Variants in MAF observed in about 807,000 individuals in gnomAD.
The protein encoded by MAF is MAF bZIP transcription factor.
A neutral mutation model predicts 22.0 loss-of-function variants in MAF; 10 were observed. The observed-to-expected ratio is 0.45, with a 90% CI of 0.28 to 0.77. MAF has a LOEUF of 0.77. MAF is among the 30% of genes least tolerant of loss of function. The probability of loss-of-function intolerance (pLI) is 0.12; values close to 1 mark genes in which losing one functional copy is unlikely to be tolerated. For synonymous variants in MAF, 337 were observed against 255.8 expected, an observed-to-expected ratio of 1.32 and a Z score of -3.03; for missense variants, 544 against 548.4, an observed-to-expected ratio of 0.99 and a Z score of 0.08.
At chr16:79,449,414 G>T in the MAF span, among the ~76,000 whole-genome samples, 1 of 152,176 alleles carries the variant, frequency 6.6e-6, no homozygotes, top group Non-Finnish European at 1.5e-5. Context: ...TTGCTTTATT[G>T]TGGTGGTCTG....
intron 1 of MAF, chr16:79,596,560 G>C (rs1913538396): frequency 9.5e-7 from 1 of 1,048,860 alleles, no homozygotes; most frequent in Admixed American, 5.5e-5. Flanking sequence ...AAGCACATAG[G>C]AACAACACGC....
chr16:79,448,364 G>C, the MAF span, among the ~76,000 whole-genome samples: 3 of 147,504 alleles, frequency 2.0e-5, no homozygotes, highest in East Asian at 6.0e-4. Flanking sequence ...TGAAGGCTCA[G>C]ATGAATGCTA....
chr16:79,395,724 T>G, the MAF span, among the ~76,000 whole-genome samples: 1 of 152,160 alleles, frequency 6.6e-6, no homozygotes, highest in Non-Finnish European at 1.5e-5. Flanking sequence ...CAACTTGATT[T>G]TGGACTTCTG....
At chr16:79,361,563 A>G in the MAF span, among the ~76,000 whole-genome samples, 2 of 152,178 alleles carry the variant, frequency 1.3e-5, no homozygotes, top group Non-Finnish European at 2.9e-5. Context: ...GCCTGGGAAC[A>G]TTACACCTCT....
At chr16:79,464,756 T>C in the MAF span, among the ~76,000 whole-genome samples, 1 of 152,164 alleles carries the variant, frequency 6.6e-6, no homozygotes, top group Non-Finnish European at 1.5e-5. Context: ...TCAAGGTCGA[T>C]TCCCAAAATT....
chr16:79,565,805 G>C, the MAF span, among the ~76,000 whole-genome samples: 8 of 152,182 alleles, frequency 5.3e-5, no homozygotes, highest in South Asian at 4.1e-4. Context: ...AGCAGGCTCA[G>C]GGATGTTGAA....
the MAF span, among the ~76,000 whole-genome samples, chr16:79,263,609 A>G: frequency 2.1e-4 from 32 of 152,288 alleles, no homozygotes; most frequent in African/African-American, 7.7e-4. Context: ...CCTCATGCCA[A>G]TCTTAGTCAA....
the MAF span, among the ~76,000 whole-genome samples, chr16:79,373,672 C>G: frequency 1.3e-5 from 2 of 152,004 alleles, no homozygotes; most frequent in South Asian, 4.2e-4. Context: ...GCCACCGCAT[C>G]CAGCCTGGTA....
At chr16:79,384,976 G>C in the MAF span, among the ~76,000 whole-genome samples, 1 of 152,170 alleles carries the variant, frequency 6.6e-6, no homozygotes, top group Non-Finnish European at 1.5e-5. Flanking sequence ...GAACAATGTG[G>C]TCTGGCTGTG....
chr16:79,459,784 G>C, the MAF span, among the ~76,000 whole-genome samples: 2 of 152,068 alleles, frequency 1.3e-5, no homozygotes, highest in African/African-American at 2.4e-5. Flanking sequence ...GGTTGGTCTT[G>C]ATCTCCTGGA....
chr16:79,524,146 T>C, the MAF span, among the ~76,000 whole-genome samples: 7 of 152,140 alleles, frequency 4.6e-5, no homozygotes, highest in Admixed American at 1.3e-4. Context: ...CCTGGTTGCT[T>C]TTCCTCTTTG....
At chr16:79,211,056 T>TGTGTGTGC in the MAF span, among the ~76,000 whole-genome samples, 1 of 150,314 alleles carries the variant, frequency 6.7e-6, no homozygotes, top group Non-Finnish European at 1.5e-5. Flanking sequence ...TGTGTGTGTG[T>TGTGTGTGC]GCATTAAATG....
the MAF span, among the ~76,000 whole-genome samples, chr16:79,573,258 A>G: frequency 2.0e-5 from 3 of 152,082 alleles, no homozygotes; most frequent in African/African-American, 4.8e-5. Context: ...TTTGCTCTGC[A>G]TAAGTTTTAA....
At chr16:79,526,139 C>T in the MAF span, among the ~76,000 whole-genome samples, 7 of 152,180 alleles carry the variant, frequency 4.6e-5, no homozygotes, top group Non-Finnish European at 7.3e-5. Context: ...CACCAACTGT[C>T]GGTTCTGAGA....
At chr16:79,479,043 C>T in the MAF span, among the ~76,000 whole-genome samples, 2 of 149,748 alleles carry the variant, frequency 1.3e-5, no homozygotes, top group Non-Finnish European at 3.0e-5. Flanking sequence ...TTATAGTATC[C>T]TAGTGTGCCT....
chr16:79,319,695 A>T, the MAF span, among the ~76,000 whole-genome samples: 5 of 146,334 alleles, frequency 3.4e-5, no homozygotes, highest in Non-Finnish European at 7.4e-5. Context: ...TTTCTCCTAT[A>T]AACATTTATT....
the MAF span, among the ~76,000 whole-genome samples, chr16:79,553,076 G>C: frequency 0.2 from 30,902 of 152,240 alleles, 3,521 homozygotes; most frequent in Non-Finnish European, 0.26. Flanking sequence ...CCTGCAAAAT[G>C]GGTTATTAAT....
chr16:79,597,012 G>A (rs1913572851), intron 1 of MAF: 2 of 1,054,850 alleles, frequency 1.9e-6, no homozygotes, highest in Non-Finnish European at 2.3e-6. Context: ...TATAAACAGG[G>A]GCGTTTCCCC....
the MAF span, among the ~76,000 whole-genome samples, chr16:79,460,697 G>T: frequency 6.6e-6 from 1 of 152,084 alleles, no homozygotes; most frequent in Non-Finnish European, 1.5e-5. Flanking sequence ...TTGGGGTAGG[G>T]TTATATTTTG....
Sources: allele counts gnomAD v4.1 joint callset (sites outside exome capture counted in the v4.1 genomes callset), GRCh38; gene constraint gnomAD v4.1.1; transcripts MANE v1.5; gene names NCBI Gene and HGNC (gene_info 2026-07-23, HGNC 2026-07-21).